The following UTRN variants were observed in gnomAD, a reference collection of about 807,000 sequenced individuals.
UTRN encodes dystrophin-related protein 1.
A neutral mutation model predicts 463.9 loss-of-function variants in UTRN; 283 were observed. The ratio of observed to expected loss-of-function variants is 0.61; its 90% CI spans 0.55 to 0.67. UTRN has a LOEUF of 0.67. Among genes scored for constraint, UTRN ranks in the 30% least tolerant of loss-of-function variants. UTRN has a pLI of 0.00. For synonymous variants in UTRN, 1,442 were observed against 1,431.5 expected (o/e 1.01, Z -0.17); for missense variants, 3,922 against 4,084.3 (o/e 0.96, Z 1.08).
chr6:144,697,610 A>C (rs543863511), intron 52 of UTRN, among the ~76,000 whole-genome samples: 118 of 152,334 alleles, frequency 7.7e-4, no homozygotes, highest in African/African-American at 2.7e-3. Flanking sequence ...TTTGCCAGAC[A>C]AAGATTCTGG....
chr6:144,512,906 T>A (rs1170810313), intron 35 of UTRN, among the ~76,000 whole-genome samples: 1 of 152,256 alleles, frequency 6.6e-6, no homozygotes, highest in African/African-American at 2.4e-5. Flanking sequence ...TAAAAACTTT[T>A]ACTGTCTAAG....
intron 33 of UTRN, among the ~76,000 whole-genome samples, chr6:144,494,219 T>G (rs1001135547): frequency 3.9e-5 from 6 of 152,146 alleles, no homozygotes; most frequent in African/African-American, 1.4e-4. Context: ...GTGGCGCATC[T>G]GGAGTTTGTT....
At chr6:144,418,095 T>A (rs938097234) in intron 3 of UTRN, among the ~76,000 whole-genome samples, 1 of 152,050 alleles carries the variant, frequency 6.6e-6, no homozygotes, top group African/African-American at 2.4e-5. Flanking sequence ...GGTAAACAAA[T>A]AGATGCAGAA....
intron 2 of UTRN, among the ~76,000 whole-genome samples, chr6:144,370,205 C>T (rs1016391389): frequency 6.6e-5 from 10 of 152,162 alleles, no homozygotes; most frequent in African/African-American, 1.4e-4. Flanking sequence ...GAGGTCTTCA[C>T]GGCAGCCCCT....
At chr6:144,556,373 G>GT (rs1162427015) in intron 49 of UTRN, among the ~76,000 whole-genome samples, 1 of 148,572 alleles carries the variant, frequency 6.7e-6, no homozygotes, top group Non-Finnish European at 1.5e-5. Flanking sequence ...CCAAGTAATA[G>GT]TGAAGCCCCT....
chr6:144,474,856 A>G, intron 25 of UTRN, 97 bp downstream of exon 25: 1 of 1,395,916 alleles, frequency 7.2e-7, no homozygotes, highest in Non-Finnish European at 9.7e-7. Context: ...CAGTTTGAAA[A>G]ACGATGGTCT....
intron 53 of UTRN, among the ~76,000 whole-genome samples, chr6:144,716,237 C>CT (rs35485068): frequency 0.059 from 8,399 of 141,436 alleles, 284 homozygotes; most frequent in Non-Finnish European, 0.079. Context: ...TAAAATATAG[C>CT]TTTTTTTTTT....
Position 144,297,090 on chromosome 6 carries a change from T to TAA in UTRN, c.79+5194_79+5195dup, listed in dbSNP as rs113471036. Among the ~76,000 whole-genome samples, 833 of 144,320 alleles carry TAA rather than the reference T, an allele frequency of 5.8e-3. 6 individuals carry two copies. Among genetic ancestry groups the TAA allele is most frequent in the African/African-American group, 0.02 (794 of 39,482 alleles). The allele number at this position is 144,320 out of a possible 152,430, so 94.7% of individuals were successfully genotyped here. On this transcript the variant is annotated intron_variant, in intron 2 of 74. Transcript: ENST00000367545. Reference sequence around the variant, plus strand: ...CTCAAGGCTTTTAACGAGCTGAAGTTAAAAAAAAAAAAGGTAGTGGATTTC... The same window carrying TAA: ...CTCAAGGCTTTTAACGAGCTGAAGTTAAAAAAAAAAAAAAGGTAGTGGATTTC...
chr6:144,445,559 TCC>T (rs150795267), intron 14 of UTRN, among the ~76,000 whole-genome samples: 2 of 145,060 alleles, frequency 1.4e-5, no homozygotes, highest in African/African-American at 5.3e-5. Flanking sequence ...AATGACTACT[TCC>T]CCCCCCGCCC....
chr6:144,303,242 T>G (rs1285165468), intron 2 of UTRN, among the ~76,000 whole-genome samples: 1 of 152,182 alleles, frequency 6.6e-6, no homozygotes, highest in Admixed American at 6.5e-5. Flanking sequence ...TAACAGGGTG[T>G]GCAAAGCCTC....
At chr6:144,514,988 G>A (rs540592403) in intron 37 of UTRN, among the ~76,000 whole-genome samples, 168 bp downstream of exon 37, 3 of 152,100 alleles carry the variant, frequency 2.0e-5, no homozygotes, top group Non-Finnish European at 2.9e-5. Flanking sequence ...TGCAACCTCC[G>A]CCTTCTGGGT....
chr6:144,670,649 G>A (rs181572425), intron 51 of UTRN, among the ~76,000 whole-genome samples: 315 of 151,730 alleles, frequency 2.1e-3, no homozygotes, highest in Non-Finnish European at 3.0e-3. Flanking sequence ...ATTAAGTCCC[G>A]TCTATTTATA....
intron 2 of UTRN, among the ~76,000 whole-genome samples, chr6:144,307,281 C>T (rs577119433): frequency 1.3e-5 from 2 of 152,228 alleles, no homozygotes; most frequent in African/African-American, 4.8e-5. Flanking sequence ...CATAGGAAGC[C>T]CCCTTGCAGA....
chr6:144,361,121 G>T (rs1022500244), intron 2 of UTRN, among the ~76,000 whole-genome samples: 1 of 152,184 alleles, frequency 6.6e-6, no homozygotes, highest in Middle Eastern at 3.2e-3. Flanking sequence ...GCTTCCCAGG[G>T]TGTCCTAAGA....
At chr6:144,639,032 G>A (rs1170392221) in intron 51 of UTRN, among the ~76,000 whole-genome samples, 4 of 152,084 alleles carry the variant, frequency 2.6e-5, no homozygotes, top group African/African-American at 7.2e-5. Context: ...TCTTGCCACT[G>A]CACTCCAGCC....
intron 2 of UTRN, among the ~76,000 whole-genome samples, chr6:144,375,926 C>T (rs555154727): frequency 1.3e-5 from 2 of 152,214 alleles, no homozygotes; most frequent in African/African-American, 4.8e-5. Context: ...TGTTTTCTTC[C>T]CCCCCACATA....
chr6:144,692,575 A>G (rs2128693269), intron 52 of UTRN, among the ~76,000 whole-genome samples: 1 of 152,224 alleles, frequency 6.6e-6, no homozygotes, highest in Non-Finnish European at 1.5e-5. Flanking sequence ...ACTTTTTACT[A>G]ATAGCCATTC....
chr6:144,359,754 A>G (rs888064474), intron 2 of UTRN, among the ~76,000 whole-genome samples: 1 of 144,986 alleles, frequency 6.9e-6, no homozygotes, highest in Non-Finnish European at 1.5e-5. Context: ...TTACTCTGCC[A>G]TTCAACAGTT....
intron 54 of UTRN, among the ~76,000 whole-genome samples, chr6:144,732,915 T>C (rs1288288479): frequency 6.6e-6 from 1 of 152,060 alleles, no homozygotes; most frequent in African/African-American, 2.4e-5. Flanking sequence ...GTTGCCTAGG[T>C]TGGTCATGAA....
Sources: gnomAD v4.1 joint callset for allele counts (sites outside exome capture counted in the v4.1 genomes callset) on GRCh38, gnomAD v4.1.1 for gene constraint, MANE v1.5 for transcripts, NCBI Gene and HGNC (gene_info 2026-07-23, HGNC 2026-07-21) for gene names.